The following FHIT variants were observed in gnomAD, a reference collection of about 807,000 sequenced individuals.
FHIT encodes the protein bis(5'-adenosyl)-triphosphatase.
A neutral mutation model predicts 17.9 loss-of-function variants in FHIT; 19 were observed. The observed-to-expected ratio is 1.06, with a 90% CI of 0.74 to 1.56. FHIT has a LOEUF of 1.56. Ranked by LOEUF, FHIT falls within the 40% of genes most tolerant of loss-of-function variation. The probability of loss-of-function intolerance (pLI) is 0.00; values close to 1 mark genes in which losing one functional copy is unlikely to be tolerated. For synonymous variants in FHIT, 81 were observed against 69.7 expected (o/e 1.16, Z -0.81); for missense variants, 248 against 189.2 (o/e 1.31, Z -1.82).
At chr3:60,477,562 T>C (rs6772276) in intron 5 of FHIT, among the ~76,000 whole-genome samples, 1 of 152,168 alleles carries the variant, frequency 6.6e-6, no homozygotes, top group East Asian at 1.9e-4. Flanking sequence ...GTGAGAACAG[T>C]GCTACTGTTA....
intron 3 of FHIT, among the ~76,000 whole-genome samples, chr3:60,976,650 C>T (rs1373588850): frequency 6.6e-6 from 1 of 152,146 alleles, no homozygotes; most frequent in Non-Finnish European, 1.5e-5. Context: ...TCTTAATGAA[C>T]CCTTGAGAAG....
chr3:60,922,076 A>C lies in FHIT; in HGVS notation c.-110-100065T>G, dbSNP rs541644501. Among the ~76,000 whole-genome samples, 36 of 152,362 alleles carry C rather than the reference A, an allele frequency of 2.4e-4. 1 individual carries two copies. The highest frequency in any genetic ancestry group is 9.8e-4 in the Admixed American group (15 of 15,304). ...ATTCATTACACAGGAGGCAAACCTTAAAAGAGAGTCTAGAAAGGTGGATCT... is the reference window on the plus strand; with the variant it reads ...ATTCATTACACAGGAGGCAAACCTTCAAAGAGAGTCTAGAAAGGTGGATCT... On this transcript the variant is annotated intron_variant, in intron 3 of 9. Coordinates refer to ENST00000492590, the MANE Select transcript of FHIT (RefSeq NM_002012.4).
At chr3:60,456,369 A>T (rs2032094243) in intron 5 of FHIT, among the ~76,000 whole-genome samples, 1 of 152,178 alleles carries the variant, frequency 6.6e-6, no homozygotes, top group Non-Finnish European at 1.5e-5. Flanking sequence ...CACTTCCCCA[A>T]ACCAGAATTG....
chr3:60,985,270 C>A (rs1224662937), intron 3 of FHIT, among the ~76,000 whole-genome samples: 1 of 151,998 alleles, frequency 6.6e-6, no homozygotes, highest in Non-Finnish European at 1.5e-5. Context: ...ACTTCTGGAC[C>A]CTTGCACAAA....
intron 3 of FHIT, among the ~76,000 whole-genome samples, chr3:61,018,795 A>G (rs973047586): frequency 5.3e-5 from 8 of 152,080 alleles, no homozygotes; most frequent in Admixed American, 4.6e-4. Flanking sequence ...TTAGTTTTGC[A>G]TTTCTTTCAC....
intron 8 of FHIT, among the ~76,000 whole-genome samples, chr3:59,890,525 C>T (rs1481377178): frequency 6.6e-6 from 1 of 152,114 alleles, no homozygotes; most frequent in African/African-American, 2.4e-5. Context: ...TTCTGAAGTT[C>T]ATCTGTTACA....
chr3:60,032,679 A>G (rs986928691), intron 5 of FHIT, among the ~76,000 whole-genome samples: 1 of 152,140 alleles, frequency 6.6e-6, no homozygotes, highest in Non-Finnish European at 1.5e-5. Flanking sequence ...CTCCCTATAC[A>G]CTGTGATTTG....
rs182335872 is a variant in FHIT at position 61,065,570 on chromosome 3, T to C, written c.-163-23471A>G. ...TGCTGGACTCTCAGTCTACTGCGCT[T>C]CCCCAAAACTAACATGCTTGTCCCT... On this transcript the variant is annotated intron_variant, in intron 2 of 9. Coordinates refer to ENST00000492590, the MANE Select transcript of FHIT (RefSeq NM_002012.4). Among the ~76,000 whole-genome samples the C allele has an allele frequency of 2.6e-3, 389 of 152,262 alleles. 3 individuals are homozygous for C. Among genetic ancestry groups the C allele is most frequent in the Admixed American group, 6.5e-3 (99 of 15,280 alleles).
chr3:60,887,741 A>C (rs1705298389), intron 3 of FHIT, among the ~76,000 whole-genome samples: 1 of 152,174 alleles, frequency 6.6e-6, no homozygotes, highest in Non-Finnish European at 1.5e-5. Context: ...AATGTAGTAA[A>C]TGTCAAGAAA....
At chr3:60,596,765 G>A (rs2038284634) in intron 4 of FHIT, among the ~76,000 whole-genome samples, 1 of 152,088 alleles carries the variant, frequency 6.6e-6, no homozygotes, top group South Asian at 2.1e-4. Flanking sequence ...TGCCTATAGA[G>A]AGCATGATAA....
intron 5 of FHIT, among the ~76,000 whole-genome samples, chr3:60,509,753 C>T (rs1442774845): frequency 6.6e-6 from 1 of 152,236 alleles, no homozygotes; most frequent in African/African-American, 2.4e-5. Flanking sequence ...CTTTCATCCT[C>T]TGTTGACAAT....
At chr3:60,407,010 G>A (rs568648165) in intron 5 of FHIT, among the ~76,000 whole-genome samples, 2 of 146,056 alleles carry the variant, frequency 1.4e-5, no homozygotes. Context: ...CAATTCTCAA[G>A]TCTCATTCTC....
rs577317743 is a variant in FHIT, at chr3:60,161,505, C to G, written c.104-147353G>C. Among the ~76,000 whole-genome samples the G allele has an allele frequency of 9.9e-5, 15 of 152,262 alleles. 1 individual carries two copies. In the South Asian group the frequency reaches 1.0e-3, roughly 11 times the overall value. On this transcript the variant is annotated intron_variant, in intron 5 of 9. Coordinates refer to ENST00000492590, the MANE Select transcript of FHIT (RefSeq NM_002012.4). ...CTTAAGGCCTGAGCTCAGTCCTGCT[C>G]TGCTAGAGTTGGTGTGACTTAGTCA...
intron 8 of FHIT, among the ~76,000 whole-genome samples, chr3:59,919,377 A>G (rs565124732): frequency 6.6e-6 from 1 of 152,174 alleles, no homozygotes; most frequent in African/African-American, 2.4e-5. Flanking sequence ...CGATACTCAC[A>G]GATCTGCCCT....
chr3:60,034,232 T>G lies in FHIT; in HGVS notation c.104-20080A>C, dbSNP rs536085472. 7.9e-5 allele frequency among the ~76,000 whole-genome samples: 12 copies of G among 152,352 alleles called. No individual in the cohort carries two copies. The South Asian group carries it at 2.1e-3, about 26-fold the overall frequency. ...TTTGCTAGTTGCCCTTTAACATCCC[T>G]GATAACCCTGAACTCCTCTGATTCA... On this transcript the variant is annotated intron_variant, in intron 5 of 9. Transcript: ENST00000492590.
Position 60,826,152 on chromosome 3 carries a change from T to TGGAAGGAAGGAA in FHIT, c.-110-4153_-110-4142dup, listed in dbSNP as rs201232384. 3.8e-4 allele frequency among the ~76,000 whole-genome samples: 49 copies of TGGAAGGAAGGAA among 128,332 alleles called. 1 individual carries two copies. Among genetic ancestry groups the TGGAAGGAAGGAA allele is most frequent in the African/African-American group, 1.1e-3 (36 of 33,310 alleles). The allele number at this position is 128,332 out of a possible 152,430, so 84.2% of individuals were successfully genotyped here. A position where few individuals can be genotyped will look rare whatever the true frequency, so the allele number is the denominator to read the frequency against. On this transcript the variant is annotated intron_variant, in intron 3 of 9. Transcript: ENST00000492590. ...GGAAAGGGAGGGAGGGATGAATGGA[T>TGGAAGGAAGGAA]GGAAGGAAGGAAGGAAGGAAGGAAG... is the stretch of plus-strand genomic sequence containing the variant.
At chr3:60,156,586 A>AC (rs1408294294) in intron 5 of FHIT, among the ~76,000 whole-genome samples, 1 of 148,418 alleles carries the variant, frequency 6.7e-6, no homozygotes, top group Non-Finnish European at 1.5e-5. Flanking sequence ...TTGTCTCTAT[A>AC]AAAATTTTTT....
At chr3:60,151,622 T>G (rs1385230022) in intron 5 of FHIT, among the ~76,000 whole-genome samples, 2 of 152,112 alleles carry the variant, frequency 1.3e-5, no homozygotes, top group Non-Finnish European at 2.9e-5. Flanking sequence ...CCTACCACTC[T>G]CCCTCTCTCT....
intron 4 of FHIT, among the ~76,000 whole-genome samples, chr3:60,609,993 C>T (rs377554123): frequency 1.3e-5 from 2 of 152,178 alleles, no homozygotes; most frequent in African/African-American, 2.4e-5. Context: ...ACCAGCTAAT[C>T]GGTATTTAAT....
Sources: allele counts gnomAD v4.1 joint callset (sites outside exome capture counted in the v4.1 genomes callset), GRCh38; gene constraint gnomAD v4.1.1; transcripts MANE v1.5; gene names NCBI Gene and HGNC (gene_info 2026-07-23, HGNC 2026-07-21).